Variants in CA12 observed in about 807,000 individuals in gnomAD.
The protein encoded by CA12 is carbonate dehydratase XII.
Under a neutral mutation model 46.8 loss-of-function variants are expected in CA12, and 36 were observed. The observed-to-expected ratio is 0.77, with a 90% CI of 0.59 to 1.02. The LOEUF is 1.02. Ranked by LOEUF, CA12 falls within the 50% of genes least tolerant of loss-of-function variation. The probability of loss-of-function intolerance (pLI) is 0.00; values close to 1 mark genes in which losing one functional copy is unlikely to be tolerated. For missense variants in CA12, 436 were observed against 451.4 expected (o/e 0.97, Z 0.31); for synonymous variants, 202 against 187.0 (o/e 1.08, Z -0.65).
intron 8 of CA12, among the ~76,000 whole-genome samples, chr15:63,338,434 C>T (rs987349762): frequency 6.6e-6 from 1 of 152,058 alleles, no homozygotes; most frequent in African/African-American, 2.4e-5. Context: ...CCTTTGATGC[C>T]AAGAAAGCCT....
chr15:63,380,970 G>T (rs991351575), intron 1 of CA12, among the ~76,000 whole-genome samples: 2 of 151,994 alleles, frequency 1.3e-5, no homozygotes, highest in Admixed American at 6.6e-5. Context: ...TCAGCCTCCA[G>T]CCTTTTGGGA....
At chr15:63,338,765 A>G in intron 8 of CA12, 54 bp downstream of exon 8, 4 of 1,610,610 alleles carry the variant, frequency 2.5e-6, no homozygotes, top group South Asian at 2.2e-5. Context: ...GAAGATCCCA[A>G]TGTCTTGGCA....
At chr15:63,352,243 C>T (rs1411408494) in intron 2 of CA12, among the ~76,000 whole-genome samples, 2 of 152,142 alleles carry the variant, frequency 1.3e-5, no homozygotes, top group Non-Finnish European at 2.9e-5. Context: ...TTTTAGTCGA[C>T]ATGGGGTTTC....
In CA12 at chr15:63,355,501, A is replaced by G. The variant is rs2039283552; in HGVS notation, c.107-8792T>C. Among the ~76,000 whole-genome samples, 2 of 152,192 alleles carry G rather than the reference A, an allele frequency of 1.3e-5. No homozygotes were observed. Among genetic ancestry groups the G allele is most frequent in the Non-Finnish European group, 1.5e-5 (1 of 68,022 alleles). ...GGACACTCTGGGGGTGGCGCCCAGC[A>G]TCTGCCGTTGGACAAGGCTGCCAGG... On this transcript the variant is annotated intron_variant, in intron 2 of 10. Coordinates refer to ENST00000178638, the MANE Select transcript of CA12 (RefSeq NM_001218.5). This position sits in a 1 kb window ranked among gnomAD's most constrained non-coding sequence, Gnocchi z 4.1.
At chr15:63,343,623 T>C (rs2039109996) in intron 4 of CA12, among the ~76,000 whole-genome samples, 1 of 152,110 alleles carries the variant, frequency 6.6e-6, no homozygotes, top group Admixed American at 6.5e-5. Context: ...ACCACTACAC[T>C]TCCAAGGTCC....
rs944747926 is a variant in CA12, at chr15:63,366,966, G to A, written c.106+8692C>T. ...AGATGGACTCTTGCTTTGTCGCCCA[G>A]ACTGGAGTGCAGTGGTATGATCTTG... On this transcript the variant is annotated intron_variant, in intron 2 of 10. Coordinates refer to ENST00000178638, the MANE Select transcript of CA12 (RefSeq NM_001218.5). 4.6e-5 allele frequency among the ~76,000 whole-genome samples: 7 copies of A among 152,256 alleles called. No homozygotes were observed. The South Asian group carries it at 1.2e-3, about 27-fold the overall frequency.
Position 63,374,882 on chromosome 15 carries a change from T to C in CA12, c.106+776A>G, listed in dbSNP as rs2039551978. On this transcript the variant is annotated intron_variant, in intron 2 of 10. Transcript: ENST00000178638. This position sits in a 1 kb window ranked among gnomAD's most constrained non-coding sequence, Gnocchi z 4.4. ...TCTGCTACCAAAACAATCGATCTTGTGCATCTTCTGTGGCTGTGCCCCAAC... is the reference window on the plus strand; with the variant it reads ...TCTGCTACCAAAACAATCGATCTTGCGCATCTTCTGTGGCTGTGCCCCAAC... 1.3e-5 allele frequency among the ~76,000 whole-genome samples: 2 copies of C among 152,202 alleles called. No individual in the cohort carries two copies.
rs145237465 is a variant in CA12 at position 63,340,732 on chromosome 15, C to T, written c.577G>A (p.Val193Ile). The T allele has an allele frequency of 1.6e-4, 254 of 1,614,044 alleles. No homozygotes were observed. The African/African-American group carries it at 3.0e-3, about 19-fold the overall frequency. The change falls in exon 6 of 11, where the codon GTA (valine) becomes ATA (isoleucine). Residue 193 changes from valine (V) to isoleucine (I), a missense_variant. Physicochemically the swap from Val to Ile is conservative, Grantham distance 29. Coordinates refer to ENST00000178638, the MANE Select transcript of CA12 (RefSeq NM_001218.5). This position sits in a 1 kb window ranked among gnomAD's most constrained non-coding sequence, Gnocchi z 4.4. Reference sequence around the variant, plus strand: ...AAGGACCCCTCACCTTTGTACTTTACATGTTGAAGGTGACTGAAGATCTTG... The same window carrying T: ...AAGGACCCCTCACCTTTGTACTTTATATGTTGAAGGTGACTGAAGATCTTG... ...YDKIFSHLQH[V>I]KYKGQEAFVP...
At position 63,339,611 on chromosome 15, in the gene CA12, A is replaced by C. The variant is rs534181913; in HGVS notation, c.748-666T>G. On this transcript the variant is annotated intron_variant, in intron 7 of 10. Transcript: ENST00000178638. The surrounding 1 kb of genome is among the most constrained non-coding windows in gnomAD (Gnocchi z 4.3). The stretch of plus-strand genomic sequence containing the variant: ...AGGAGCAGCTGTGAGGCTGCCCTGG[A>C]CGCATGAAGCTGGCGTGGGGCTGTG... Among the ~76,000 whole-genome samples the C allele has an allele frequency of 6.6e-6, 1 of 152,216 alleles. No individual in the cohort carries two copies. Among genetic ancestry groups the C allele is most frequent in the African/African-American group, 2.4e-5 (1 of 41,456 alleles).
chr15:63,375,120 C>T (rs967274412), intron 2 of CA12, among the ~76,000 whole-genome samples: 5 of 152,218 alleles, frequency 3.3e-5, no homozygotes, highest in Middle Eastern at 3.2e-3. Context: ...GTGCTCCTCT[C>T]GCTTCATTTA....
In CA12 at chr15:63,322,823, C is replaced by G. The variant is rs1311566618; in HGVS notation, c.*3462G>C. On this transcript the variant is annotated 3_prime_UTR_variant, in exon 11 of 11. Transcript: ENST00000178638. This position sits in a 1 kb window ranked among gnomAD's most constrained non-coding sequence, Gnocchi z 4.1. ...ATCCTGTGTTCTAGCAGAGTACAGACCATCAGAAATGTTTCAATTCCAAAG... is the reference window on the plus strand; with the variant it reads ...ATCCTGTGTTCTAGCAGAGTACAGAGCATCAGAAATGTTTCAATTCCAAAG... The G allele has an allele frequency of 6.6e-6, 1 of 152,274 alleles. No homozygotes were observed. The highest frequency in any genetic ancestry group is 2.4e-5 in the African/African-American group (1 of 41,460). The allele number at this position is 152,274 out of a possible 1,614,324, so 9.4% of individuals were successfully genotyped here.
At chr15:63,338,712 C>G in intron 8 of CA12, 107 bp downstream of exon 8, 3 of 1,498,266 alleles carry the variant, frequency 2.0e-6, no homozygotes, top group Non-Finnish European at 2.8e-6. Context: ...AGGGAGCTCT[C>G]AGCCAACTTC....
intron 4 of CA12, 77 bp from the exon 5 acceptor site, chr15:63,342,174 C>T: frequency 1.1e-6 from 1 of 930,294 alleles, no homozygotes; most frequent in Admixed American, 1.8e-5. Flanking sequence ...AGACTTGACT[C>T]CAACTGTGAG....
intron 8 of CA12, among the ~76,000 whole-genome samples, chr15:63,336,758 C>G (rs1395554130): frequency 6.6e-6 from 1 of 151,938 alleles, no homozygotes; most frequent in Non-Finnish European, 1.5e-5. Flanking sequence ...AGCCTGCAGC[C>G]AGGAGGAAGC....
At chr15:63,326,427 G>A in intron 10 of CA12, 70 bp from the exon 11 acceptor site, 1 of 1,265,704 alleles carries the variant, frequency 7.9e-7, no homozygotes, top group African/African-American at 1.5e-5. Flanking sequence ...GCCTGACTCA[G>A]GTATGGAATG....
intron 8 of CA12, among the ~76,000 whole-genome samples, chr15:63,332,612 C>T (rs1158863007): frequency 6.6e-6 from 1 of 152,230 alleles, no homozygotes; most frequent in Non-Finnish European, 1.5e-5. Context: ...GGCACAACAG[C>T]ATCTCTAGGC....
chr15:63,326,360 A>G lies in CA12; in HGVS notation c.993-3T>C. ...CCTTGTTATCACCTTTTTTGATACT[A>G]GAACAGAAAGAACACATAACTCTTG... On this transcript the variant is annotated splice_polypyrimidine_tract_variant and splice_region_variant and intron_variant, in intron 10 of 10. Transcript: ENST00000178638. 1 of 1,609,272 alleles carries G rather than the reference A, an allele frequency of 6.2e-7. No individual in the cohort carries two copies. Among genetic ancestry groups the G allele is most frequent in the South Asian group, 1.1e-5 (1 of 91,008 alleles).
intron 1 of CA12, among the ~76,000 whole-genome samples, chr15:63,381,394 C>T (rs1218465764): frequency 6.6e-6 from 1 of 152,214 alleles, no homozygotes; most frequent in Non-Finnish European, 1.5e-5. Flanking sequence ...GCTGGCGGTG[C>T]CCGGGAGTAC....
chr15:63,345,758 C>T lies in CA12; in HGVS notation c.287-139G>A, dbSNP rs949445922. Reference sequence around the variant, plus strand: ...AGAGGCAGGTGGATGGAGTGAGGTGCGGAGCAGAGATGCAGCCTAAAGGTC... The same window carrying T: ...AGAGGCAGGTGGATGGAGTGAGGTGTGGAGCAGAGATGCAGCCTAAAGGTC... On this transcript the variant is annotated intron_variant, in intron 3 of 10. Transcript: ENST00000178638. The surrounding 1 kb of genome is among the most constrained non-coding windows in gnomAD (Gnocchi z 4.3). 3.6e-5 allele frequency: 41 copies of T among 1,142,412 alleles called. No individual in the cohort carries two copies. Among genetic ancestry groups the T allele is most frequent in the South Asian group, 2.1e-4 (16 of 75,068 alleles). The allele number at this position is 1,142,412 out of a possible 1,614,324, so 70.8% of individuals were successfully genotyped here.
Sources: allele counts gnomAD v4.1 joint callset (sites outside exome capture counted in the v4.1 genomes callset), GRCh38; gene constraint gnomAD v4.1.1; non-coding constraint Gnocchi (gnomAD v3.1); transcripts MANE v1.5; gene names NCBI Gene and HGNC (gene_info 2026-07-23, HGNC 2026-07-21).